The following ABCA12 variants were observed in gnomAD, a reference collection of about 807,000 sequenced individuals.
ABCA12 encodes the protein ATP binding cassette subfamily A member 12.
In ABCA12, 156 loss-of-function variants were observed where a neutral mutation model predicts 293.5. That is an observed-to-expected ratio of 0.53 (90% CI 0.47 to 0.61). The LOEUF (loss-of-function observed/expected upper bound fraction) is 0.61. Ranked by LOEUF, ABCA12 falls within the 20% of genes least tolerant of loss-of-function variation. The probability of loss-of-function intolerance (pLI) is 0.00; values close to 1 mark genes in which losing one functional copy is unlikely to be tolerated. For missense variants in ABCA12, 2,797 were observed against 3,090.2 expected (o/e 0.91, Z 2.25); for synonymous variants, 1,063 against 1,108.0 (o/e 0.96, Z 0.81).
rs968157464 is a variant in ABCA12, at chr2:214,983,745, G to C, written c.4284C>G (p.Val1428=). ...KNMGVCMQHD[V]LFSYLTTKEH... Reference sequence around the variant, plus strand: ...CCTTAGTAGTGAGGTAACTGAACAAGACGTCGTGCTGCATACAGACTCCCA... The same window carrying C: ...CCTTAGTAGTGAGGTAACTGAACAACACGTCGTGCTGCATACAGACTCCCA... The change falls in exon 29 of 53, where the codon GTC becomes GTG. Residue 1428 remains valine, a synonymous_variant. Transcript: ENST00000272895. 1 of 1,614,118 alleles carries C rather than the reference G, an allele frequency of 6.2e-7. No individual in the cohort carries two copies. The highest frequency in any genetic ancestry group is 8.5e-7 in the Non-Finnish European group (1 of 1,180,002).
intron 19 of ABCA12, 24 bp from the exon 20 acceptor site, chr2:215,004,323 A>C: frequency 6.4e-7 from 1 of 1,559,180 alleles, no homozygotes. Context: ...ATTAAAAATC[A>C]GTTTCAATAC....
intron 2 of ABCA12, among the ~76,000 whole-genome samples, chr2:215,065,628 G>A (rs1322662898): frequency 1.3e-5 from 2 of 151,962 alleles, no homozygotes; most frequent in African/African-American, 4.8e-5. Flanking sequence ...GCAAGTCAAG[G>A]AATATGGGGA....
At chr2:214,976,185 C>A in intron 33 of ABCA12, 148 bp from the exon 34 acceptor site, 1 of 1,146,278 alleles carries the variant, frequency 8.7e-7, no homozygotes. Context: ...TGTTATTTCT[C>A]AGCCTTAGCC....
At chr2:215,138,084 G>A in intron 1 of ABCA12, 56 bp downstream of exon 1, 1 of 1,509,360 alleles carries the variant, frequency 6.6e-7, no homozygotes, top group Non-Finnish European at 9.2e-7. Flanking sequence ...TCACATTTTA[G>A]GATTACCTGG....
At chr2:215,061,642 C>T (rs1291406300) in intron 3 of ABCA12, among the ~76,000 whole-genome samples, 3 of 151,974 alleles carry the variant, frequency 2.0e-5, no homozygotes, top group African/African-American at 7.2e-5. Context: ...TATTATTGTA[C>T]ATAATTTTAT....
At chr2:214,955,712 G>A (rs765434013) in intron 42 of ABCA12, among the ~76,000 whole-genome samples, 6 of 152,134 alleles carry the variant, frequency 3.9e-5, no homozygotes, top group Non-Finnish European at 8.8e-5. Context: ...TAACAATTTA[G>A]ATGGGCTTCC....
At chr2:214,971,387 G>A (rs1431364410) in intron 36 of ABCA12, among the ~76,000 whole-genome samples, 1 of 152,062 alleles carries the variant, frequency 6.6e-6, no homozygotes, top group African/African-American at 2.4e-5. Flanking sequence ...AAATGCACAT[G>A]TATTATCTGT....
chr2:215,103,422 C>T (rs1157786814), intron 2 of ABCA12, among the ~76,000 whole-genome samples: 2 of 151,868 alleles, frequency 1.3e-5, no homozygotes, highest in Admixed American at 1.3e-4. Context: ...GTGACCACCC[C>T]TAGGCCCAGC....
chr2:215,106,532 C>A (rs992765139), intron 2 of ABCA12, among the ~76,000 whole-genome samples: 1 of 152,102 alleles, frequency 6.6e-6, no homozygotes, highest in South Asian at 2.1e-4. Context: ...ACCATGTGAA[C>A]CTTGGTAAAT....
intron 45 of ABCA12, among the ~76,000 whole-genome samples, chr2:214,949,893 C>T (rs1048579875): frequency 6.6e-6 from 1 of 152,114 alleles, no homozygotes; most frequent in South Asian, 2.1e-4. Context: ...ATTCCCTCCG[C>T]CAAGCGGGAA....
Position 215,045,862 on chromosome 2 carries a change from A to C in ABCA12, c.847T>G (p.Phe283Val), listed in dbSNP as rs1701191431. ...FQNDTSLSNLFDVLRKANSVL... is the reference protein window; with the variant it reads ...FQNDTSLSNLVDVLRKANSVL... The stretch of plus-strand genomic sequence containing the variant: ...CTGTTTGCCTTTCGAAGAACATCAA[A>C]TAGATTGCTTAGTGATGTGTCATTC... Residue 283 changes from phenylalanine to valine, a missense_variant, in exon 7 of 53, where the codon TTT (phenylalanine) becomes GTT (valine). By Grantham distance (50) the Phe-to-Val change is conservative (BLOSUM62 -1). Around this residue, in one of 3 missense-constraint regions of ABCA12, gnomAD observed 656 missense variants for 638.2 expected, o/e 1.03. Transcript: ENST00000272895. The C allele has an allele frequency of 6.2e-7, 1 of 1,613,572 alleles. No individual in the cohort carries two copies. Among genetic ancestry groups the C allele is most frequent in the Non-Finnish European group, 8.5e-7 (1 of 1,179,704 alleles).
chr2:215,067,420 C>T (rs1490468327), intron 2 of ABCA12, among the ~76,000 whole-genome samples: 2 of 152,028 alleles, frequency 1.3e-5, no homozygotes, highest in Admixed American at 1.3e-4. Context: ...CAAACCATGG[C>T]AGCCCTATAC....
At chr2:214,997,344 A>G (rs150442206) in intron 23 of ABCA12, among the ~76,000 whole-genome samples, 14 of 152,202 alleles carry the variant, frequency 9.2e-5, no homozygotes, top group African/African-American at 3.4e-4. Flanking sequence ...CATGCCAACA[A>G]TCTCTCTGCC....
intron 28 of ABCA12, among the ~76,000 whole-genome samples, chr2:214,985,401 C>T (rs1463157701): frequency 2.0e-5 from 3 of 151,926 alleles, no homozygotes; most frequent in Admixed American, 6.6e-5. Flanking sequence ...GTGGGGCTTT[C>T]GGAGGGTGGA....
intron 2 of ABCA12, among the ~76,000 whole-genome samples, chr2:215,064,811 T>A (rs541557322): frequency 3.0e-4 from 45 of 152,048 alleles, no homozygotes; most frequent in African/African-American, 8.9e-4. Context: ...TGTATTTCAT[T>A]TTATTTTCTT....
rs770239157 is a variant in ABCA12, at chr2:215,004,269, A to C, written c.2623T>G (p.Phe875Val). The change falls in exon 20 of 53, where the codon TTT (phenylalanine) becomes GTT (valine). Residue 875 changes from phenylalanine (F) to valine (V), a missense_variant. By Grantham distance (50) the Phe-to-Val change is conservative (BLOSUM62 -1). This residue lies in a region of ABCA12 where 2,130 missense variants were observed against 2,427.0 expected (regional missense o/e 0.88). Coordinates refer to ENST00000272895, the MANE Select transcript of ABCA12 (RefSeq NM_173076.3). ...NTLRNPFVQV[F>V]VKFSVGLDAV... ...TCGAGTCCCACGGAGAACTTTACAA[A>C]AACTTGCACAAAAGGGTTCCTTAGA... is the stretch of plus-strand genomic sequence containing the variant. 2 of 1,613,778 alleles carry C rather than the reference A, an allele frequency of 1.2e-6. No individual in the cohort carries two copies. The highest frequency in any genetic ancestry group is 2.2e-5 in the South Asian group (2 of 91,058).
intron 13 of ABCA12, among the ~76,000 whole-genome samples, chr2:215,018,362 A>C (rs1171221640): frequency 6.6e-6 from 1 of 152,196 alleles, no homozygotes; most frequent in East Asian, 1.9e-4. Flanking sequence ...CTGAGTTATA[A>C]ATTTTCCTTA....
intron 2 of ABCA12, among the ~76,000 whole-genome samples, chr2:215,087,061 G>C (rs1321059743): frequency 2.6e-5 from 4 of 152,030 alleles, no homozygotes; most frequent in Admixed American, 6.6e-5. Context: ...TCCTGCCTCA[G>C]CTTCCCAAGT....
intron 2 of ABCA12, among the ~76,000 whole-genome samples, chr2:215,084,226 A>G (rs892106586): frequency 3.3e-5 from 5 of 152,086 alleles, no homozygotes; most frequent in African/African-American, 1.2e-4. Flanking sequence ...GGGCTCACGT[A>G]GCGCTCCACC....
Sources: allele counts gnomAD v4.1 joint callset (sites outside exome capture counted in the v4.1 genomes callset), GRCh38; gene constraint gnomAD v4.1.1; regional missense constraint gnomAD v4.1.1; transcripts MANE v1.5; gene names NCBI Gene and HGNC (gene_info 2026-07-23, HGNC 2026-07-21).